CRLF2: variants seen among roughly 807,000 people sequenced by gnomAD.
CRLF2 encodes cytokine receptor-like factor 2.
In CRLF2, 41 loss-of-function variants were observed where a neutral mutation model predicts 38.7. That is an observed-to-expected ratio of 1.06 (90% CI 0.83 to 1.37). The LOEUF (loss-of-function observed/expected upper bound fraction) is 1.37. Ranked by LOEUF, CRLF2 falls within the 40% of genes most tolerant of loss-of-function variation. CRLF2 has a pLI of 0.00. For synonymous variants in CRLF2, 140 were observed against 128.8 expected (o/e 1.09, Z -0.59); for missense variants, 377 against 322.2 (o/e 1.17, Z -1.30).
intron 7 of CRLF2, 30 bp from the exon 8 acceptor site, chrX:1,191,190 C>G (rs1460313219): frequency 1.3e-5 from 5 of 398,600 alleles, no homozygotes; most frequent in African/African-American, 6.2e-5. Flanking sequence ...AGCTCAAACA[C>G]AGTGGACACA....
chrX:1,192,884 G>A (rs1170036257), intron 7 of CRLF2, among the ~76,000 whole-genome samples: 2 of 148,810 alleles, frequency 1.3e-5, no homozygotes, highest in Non-Finnish European at 3.0e-5. Context: ...TACAATCTCA[G>A]CTCACTGCAA....
At chrX:1,198,339 C>CCTAG (rs1372292220) in intron 5 of CRLF2, among the ~76,000 whole-genome samples, 5 of 44,384 alleles carry the variant, frequency 1.1e-4, no homozygotes, top group African/African-American at 3.8e-4. Flanking sequence ...CCTCCCACCT[C>CCTAG]GAAGGCAGGA....
chrX:1,208,718 T>G (rs1490737622), intron 2 of CRLF2, 88 bp downstream of exon 2: 32 of 825,844 alleles, frequency 3.9e-5, no homozygotes, highest in Non-Finnish European at 6.8e-5. Context: ...TTTACACTTT[T>G]GTTCTCAAGC....
intron 4 of CRLF2, among the ~76,000 whole-genome samples, chrX:1,201,556 TGAGA>T (rs199731158): frequency 6.9e-4 from 3 of 4,376 alleles, no homozygotes; most frequent in Non-Finnish European, 1.3e-3. Flanking sequence ...GATAGAGTGA[TGAGA>T]GAGAGATAGA....
intron 6 of CRLF2, among the ~76,000 whole-genome samples, chrX:1,196,100 C>G (rs1177215152): frequency 6.8e-6 from 1 of 147,440 alleles, no homozygotes; most frequent in East Asian, 2.0e-4. Context: ...AGGCTGGTCT[C>G]GAACTCCTGA....
chrX:1,190,571 G>T lies in CRLF2; in HGVS notation c.*326C>A. The T allele has an allele frequency of 3.0e-6, 1 of 329,292 alleles. No individual in the cohort carries two copies. The highest frequency in any genetic ancestry group is 4.5e-5 in the East Asian group (1 of 22,140). 20.4% of individuals were successfully genotyped at this position (329,292 alleles called of 1,614,324 possible). A position where few individuals can be genotyped will look rare whatever the true frequency, so the allele number is the denominator to read the frequency against. ...GACGGAACTGGGGACTCACAGAGTG[G>T]GAAGATGGTTTTACAGCATTTTGGA... On this transcript the variant is annotated 3_prime_UTR_variant, in exon 8 of 8. Transcript: ENST00000400841.
intron 1 of CRLF2, among the ~76,000 whole-genome samples, chrX:1,212,017 G>C (rs1344316348): frequency 1.3e-5 from 2 of 151,680 alleles, no homozygotes; most frequent in African/African-American, 4.8e-5. Flanking sequence ...TGGATGGATG[G>C]ATGAGTGAAT....
Position 1,192,900 on chromosome X carries a change from G to A in CRLF2, c.852+318C>T, listed in dbSNP as rs1255805156. 6.7e-5 allele frequency among the ~76,000 whole-genome samples: 10 copies of A among 149,108 alleles called. No homozygotes were observed. The South Asian group carries it at 1.1e-3, about 16-fold the overall frequency. On this transcript the variant is annotated intron_variant, in intron 7 of 7. Coordinates refer to ENST00000400841, the MANE Select transcript of CRLF2 (RefSeq NM_022148.4). ...ACAATCTCAGCTCACTGCAACCTCT[G>A]CCTCCACAGTTCAAGCGATTCTCCT... is the stretch of plus-strand genomic sequence containing the variant.
At chrX:1,205,769 TGAAAAGCATGGTGA>T (rs1413899698) in intron 3 of CRLF2, among the ~76,000 whole-genome samples, 3 of 152,004 alleles carry the variant, frequency 2.0e-5, no homozygotes, top group African/African-American at 7.2e-5. Flanking sequence ...AAGGAAGTAC[TGAAAAGCATGGTGA>T]GCTTGCTTTT....
intron 4 of CRLF2, among the ~76,000 whole-genome samples, chrX:1,199,851 A>G (rs1353503313): frequency 6.6e-6 from 1 of 151,798 alleles, no homozygotes; most frequent in Non-Finnish European, 1.5e-5. Flanking sequence ...AGCTATGTAT[A>G]TAAGATGTGT....
Position 1,196,826 on chromosome X carries a change from G to C in CRLF2, c.721C>G (p.Leu241Val). Reference protein sequence around the residue: ...KFILISSLAILLMVSLLLLSL... With the variant: ...KFILISSLAIVLMVSLLLLSL... ...AGAAGGAGGAGAGACACCATCAGAAGGATGGCCAGGCTGGAAATTAAAATA... is the reference window on the plus strand; with the variant it reads ...AGAAGGAGGAGAGACACCATCAGAACGATGGCCAGGCTGGAAATTAAAATA... The change falls in exon 6 of 8, where the codon CTT (leucine) becomes GTT (valine). Residue 241 changes from leucine to valine, a missense_variant. By Grantham distance (32) the Leu-to-Val change is conservative (BLOSUM62 1). Transcript: ENST00000400841. The C allele has an allele frequency of 6.2e-7, 1 of 1,612,988 alleles. No homozygotes were observed. The highest frequency in any genetic ancestry group is 8.5e-7 in the Non-Finnish European group (1 of 1,179,370).
intron 7 of CRLF2, 135 bp from the exon 8 acceptor site, chrX:1,191,295 C>CTCTTTCTTTCTTTCTTTCTTTTTCTT (rs2086369337): frequency 9.1e-6 from 3 of 331,124 alleles, no homozygotes; most frequent in East Asian, 4.4e-5. Flanking sequence ...CTTTTCTTTT[C>CTCTTTCTTTCTTTCTTTCTTTTTCTT]TCTTTCTTTC....
At chrX:1,207,826 T>C (rs1222213513) in intron 2 of CRLF2, among the ~76,000 whole-genome samples, 2 of 151,160 alleles carry the variant, frequency 1.3e-5, no homozygotes, top group African/African-American at 4.9e-5. Context: ...GTTTTTGTAT[T>C]TTTAGTAGAG....
rs1165120341 is a variant in CRLF2, at chrX:1,209,267, T to TATTGTATTGC, written c.80-369_80-360dup. On this transcript the variant is annotated intron_variant, in intron 1 of 7. Transcript: ENST00000400841. ...CAGGCGTGAGCCACCGCGCCTGACGTATTGTATTGCATTGTATTGCATTGT... is the reference window on the plus strand; with the variant it reads ...CAGGCGTGAGCCACCGCGCCTGACGTATTGTATTGCATTGTATTGCATTGTATTGCATTGT... Among the ~76,000 whole-genome samples, 398 of 138,622 alleles carry TATTGTATTGC rather than the reference T, an allele frequency of 2.9e-3. 5 individuals are homozygous for TATTGTATTGC. The highest frequency in any genetic ancestry group is 1.1e-3 in the East Asian group (5 of 4,464). 90.9% of individuals were successfully genotyped at this position (138,622 alleles called of 152,430 possible).
At chrX:1,205,939 G>A (rs748075520) in intron 3 of CRLF2, among the ~76,000 whole-genome samples, 1 of 152,048 alleles carries the variant, frequency 6.6e-6, no homozygotes, top group African/African-American at 2.4e-5. Context: ...ATTTGCATGA[G>A]CTTTTCAGTA....
intron 3 of CRLF2, 90 bp from the exon 4 acceptor site, chrX:1,202,625 C>T: frequency 6.9e-7 from 1 of 1,455,094 alleles, no homozygotes; most frequent in Non-Finnish European, 9.4e-7. Flanking sequence ...GCCTGTACCC[C>T]TCCTCCCCTT....
intron 5 of CRLF2, 87 bp from the exon 6 acceptor site, chrX:1,196,987 CCAGTCTCCCT>C: frequency 8.9e-7 from 1 of 1,127,818 alleles, no homozygotes; most frequent in Non-Finnish European, 1.2e-6. Context: ...TCATCCCTAA[CCAGTCTCCCT>C]CATTTTTTGG....
intron 7 of CRLF2, among the ~76,000 whole-genome samples, chrX:1,192,885 C>A (rs2086418680): frequency 6.6e-6 from 1 of 150,594 alleles, no homozygotes; most frequent in South Asian, 2.1e-4. Flanking sequence ...ACAATCTCAG[C>A]TCACTGCAAC....
rs371174830 is a variant in CRLF2 at position 1,198,736 on chromosome X, TACACACACACACACACACACACAC to T, written c.484-36_484-13del. 885 of 828,426 alleles carry T rather than the reference TACACACACACACACACACACACAC, an allele frequency of 1.1e-3. 8 individuals are homozygous for T. In the African/African-American group the frequency reaches 0.014, roughly 13 times the overall value. 51.3% of individuals were successfully genotyped at this position (828,426 alleles called of 1,614,324 possible). On this transcript the variant is annotated splice_polypyrimidine_tract_variant and intron_variant, in intron 4 of 7. Coordinates refer to ENST00000400841, the MANE Select transcript of CRLF2 (RefSeq NM_022148.4). ...TTTTCCTGTTTGGACTGGAGAAACATACACACACACACACACACACACACACACACACACACACACACACACAAT... is the reference window on the plus strand; with the variant it reads ...TTTTCCTGTTTGGACTGGAGAAACATACACACACACACACACACACACAAT...
Sources: allele counts gnomAD v4.1 joint callset (sites outside exome capture counted in the v4.1 genomes callset), GRCh38; gene constraint gnomAD v4.1.1; transcripts MANE v1.5; gene names NCBI Gene and HGNC (gene_info 2026-07-23, HGNC 2026-07-21).